The following DEFB115 variants were observed in gnomAD, a reference collection of about 807,000 sequenced individuals.
DEFB115 encodes defensin beta 115, also known as beta-defensin 115.
DEFB115 carries 7 observed loss-of-function variants against 8.8 expected under a neutral mutation model. That is an observed-to-expected ratio of 0.79 (90% confidence interval 0.45 to 1.49). DEFB115 has a LOEUF of 1.49. Among genes scored for constraint, DEFB115 ranks in the 40% most tolerant of loss-of-function variants. The pLI, the probability that DEFB115 is intolerant of heterozygous loss-of-function variation, is 0.01. For missense variants in DEFB115, 143 were observed against 99.4 expected, an observed-to-expected ratio of 1.44 and a Z score of -1.86; for synonymous variants, 62 against 37.6, an observed-to-expected ratio of 1.65 and a Z score of -2.37.
At chr20:31,258,467 G>A (rs545242705) in intron 1 of DEFB115, among the ~76,000 whole-genome samples, 54 of 152,264 alleles carry the variant, frequency 3.5e-4, no homozygotes, top group African/African-American at 1.1e-3. Flanking sequence ...CCTTTGGGTC[G>A]TTGCTGTTGG....
chr20:31,259,244 T>C (rs1259131608), intron 1 of DEFB115, among the ~76,000 whole-genome samples: 1 of 152,118 alleles, frequency 6.6e-6, no homozygotes, highest in African/African-American at 2.4e-5. Context: ...GAAAGTATCA[T>C]AAGCATAGGA....
chr20:31,259,565 T>A lies in DEFB115; in HGVS notation c.200T>A (p.Val67Asp). 1.2e-6 allele frequency: 2 copies of A among 1,612,360 alleles called. No homozygotes were observed. Among genetic ancestry groups the A allele is most frequent in the Admixed American group, 1.7e-5 (1 of 59,664 alleles). The change falls in exon 2 of 2, where the codon GTC (valine) becomes GAC (aspartate). Residue 67 changes from valine to aspartate, a missense_variant. Coordinates refer to ENST00000400552, the MANE Select transcript of DEFB115 (RefSeq NM_001037730.1). Reference sequence around the variant, plus strand: ...TGTGGGGAAAAACATATTTGCTGTGTCCCTAAAGAAAAGGATAAACTATCA... The same window carrying A: ...TGTGGGGAAAAACATATTTGCTGTGACCCTAAAGAAAAGGATAAACTATCA... ...EKCGEKHICC[V>D]PKEKDKLSHI...
chr20:31,258,674 C>T (rs1983819523), intron 1 of DEFB115, among the ~76,000 whole-genome samples: 2 of 152,040 alleles, frequency 1.3e-5, no homozygotes, highest in South Asian at 4.1e-4. Flanking sequence ...TACATATTGA[C>T]TTATGAAATA....
Sources: gnomAD v4.1 joint callset for allele counts (sites outside exome capture counted in the v4.1 genomes callset) on GRCh38, gnomAD v4.1.1 for gene constraint, MANE v1.5 for transcripts, NCBI Gene and HGNC (gene_info 2026-07-23, HGNC 2026-07-21) for gene names.